Variants in PRRC2C observed in about 807,000 individuals in gnomAD.
PRRC2C encodes protein PRRC2C.
In PRRC2C, 72 loss-of-function variants were observed where a neutral mutation model predicts 317.2. That is an observed-to-expected ratio of 0.23 (90% CI 0.19 to 0.28). The LOEUF (loss-of-function observed/expected upper bound fraction) is 0.28. Among genes scored for constraint, PRRC2C ranks in the 10% least tolerant of loss-of-function variants. PRRC2C has a pLI of 1.00. For synonymous variants in PRRC2C, 1,296 were observed against 1,205.9 expected, an observed-to-expected ratio of 1.07 and a Z score of -1.55; for missense variants, 3,074 against 3,459.7, an observed-to-expected ratio of 0.89 and a Z score of 2.80.
At chr1:171,580,661 T>C (rs1331462873) in intron 28 of PRRC2C, among the ~76,000 whole-genome samples, 1 of 152,192 alleles carries the variant, frequency 6.6e-6, no homozygotes, top group East Asian at 1.9e-4. Context: ...TTTTGTTTTG[T>C]TTTAACCTGA....
At chr1:171,535,315 C>T (rs1049815934) in intron 12 of PRRC2C, 113 bp from the exon 13 acceptor site, 11 of 861,442 alleles carry the variant, frequency 1.3e-5, no homozygotes, top group South Asian at 4.2e-5. Flanking sequence ...TTTAGAGTGT[C>T]GAGGATATTT....
chr1:171,549,540 A>G (rs1363687339), intron 17 of PRRC2C, among the ~76,000 whole-genome samples: 1 of 152,106 alleles, frequency 6.6e-6, no homozygotes, highest in East Asian at 1.9e-4. Context: ...GAAAAGAAAA[A>G]AGACCTATAT....
intron 9 of PRRC2C, 105 bp downstream of exon 9, chr1:171,523,627 G>A: frequency 1.0e-6 from 1 of 998,926 alleles, no homozygotes; most frequent in South Asian, 1.5e-5. Flanking sequence ...GTTATTTGTA[G>A]AATTTATATA....
Position 171,589,524 on chromosome 1 carries a change from A to G in PRRC2C, c.8355A>G (p.Val2785=). 1 of 1,289,778 alleles carries G rather than the reference A, an allele frequency of 7.8e-7. No homozygotes were observed. The highest frequency in any genetic ancestry group is 1.0e-6 in the Non-Finnish European group (1 of 988,842). The allele number at this position is 1,289,778 out of a possible 1,614,324, so 79.9% of individuals were successfully genotyped here. Residue 2785 remains valine (V), a synonymous_variant, in exon 34 of 35, where the codon GTA becomes GTG. Transcript: ENST00000647382. ...GLMSHARLPH[V]ARGPCGSLSG... is the part of the protein sequence containing the mutation. ...TGAGCCATGCTCGTTTGCCACATGT[A>G]GCCAGGGGTCCTTGTGGATCACTAT...
chr1:171,584,633 G>C lies in PRRC2C; in HGVS notation c.7749+107G>C. The C allele has an allele frequency of 6.1e-6, 8 of 1,312,230 alleles. No homozygotes were observed. In the South Asian group the frequency reaches 1.1e-4, roughly 18 times the overall value. The allele number at this position is 1,312,230 out of a possible 1,614,324, so 81.3% of individuals were successfully genotyped here. On this transcript the variant is annotated intron_variant, in intron 30 of 34. Transcript: ENST00000647382. Reference sequence around the variant, plus strand: ...GAACCAAGATGCAAGATGGAGGATGGTTTTTAAACTGTTCACTGAGATGTC... The same window carrying C: ...GAACCAAGATGCAAGATGGAGGATGCTTTTTAAACTGTTCACTGAGATGTC...
intron 6 of PRRC2C, 101 bp downstream of exon 6, chr1:171,517,915 T>A: frequency 2.2e-6 from 2 of 905,954 alleles, no homozygotes; most frequent in Non-Finnish European, 3.3e-6. Context: ...TTGTTTTCAT[T>A]AACATCTAAC....
In PRRC2C at chr1:171,516,763, T is replaced by G. The variant is rs568481944; in HGVS notation, c.527-828T>G. Among the ~76,000 whole-genome samples the G allele has an allele frequency of 7.2e-5, 11 of 152,346 alleles. No homozygotes were observed. In the East Asian group the frequency reaches 1.9e-3, roughly 27 times the overall value. ...CGCGATGAAGCTGTCTGAAGCTGAC[T>G]TGACTGGGGCTGTACTTCCAAACTG... On this transcript the variant is annotated intron_variant, in intron 5 of 34. Coordinates refer to ENST00000647382, the MANE Select transcript of PRRC2C (RefSeq NM_001387844.1).
chr1:171,582,791 G>C (rs1017815870), intron 28 of PRRC2C, among the ~76,000 whole-genome samples: 12 of 151,446 alleles, frequency 7.9e-5, no homozygotes, highest in African/African-American at 2.9e-4. Context: ...CAGTGAGTGA[G>C]TGGCGAGTGA....
intron 26 of PRRC2C, among the ~76,000 whole-genome samples, chr1:171,578,691 A>T (rs912311186): frequency 1.6e-4 from 25 of 152,152 alleles, no homozygotes; most frequent in Admixed American, 2.0e-4. Context: ...AACATGGTGA[A>T]ACCACGTCTC....
At chr1:171,553,555 A>G (rs530704227) in intron 18 of PRRC2C, among the ~76,000 whole-genome samples, 4 of 151,454 alleles carry the variant, frequency 2.6e-5, no homozygotes, top group Non-Finnish European at 5.9e-5. Flanking sequence ...TTTAATTGTG[A>G]TGTTAGGGTA....
At chr1:171,554,091 T>C (rs1680862613) in intron 18 of PRRC2C, among the ~76,000 whole-genome samples, 1 of 152,206 alleles carries the variant, frequency 6.6e-6, no homozygotes, top group African/African-American at 2.4e-5. Context: ...ATTAGTATTG[T>C]GTGGGAGTCT....
At chr1:171,585,229 G>A (rs1441577119) in intron 30 of PRRC2C, among the ~76,000 whole-genome samples, 1 of 152,138 alleles carries the variant, frequency 6.6e-6, no homozygotes, top group African/African-American at 2.4e-5. Flanking sequence ...GATACAGGTG[G>A]TTTACCCATT....
intron 1 of PRRC2C, among the ~76,000 whole-genome samples, chr1:171,504,610 G>A (rs1020085985): frequency 5.9e-5 from 9 of 152,120 alleles, no homozygotes; most frequent in African/African-American, 1.9e-4. Flanking sequence ...ACTCTATTCT[G>A]CTCCACTGAA....
chr1:171,547,633 C>CTTTTTTTTTTTTTTTTTTTTT (rs35480518), intron 17 of PRRC2C, among the ~76,000 whole-genome samples: 5 of 129,840 alleles, frequency 3.9e-5, no homozygotes, highest in African/African-American at 5.8e-5. Context: ...AGTTTCCCTT[C>CTTTTTTTTTTTTTTTTTTTTT]TTTTTTTTTT....
chr1:171,491,282 A>G (rs1667095278), intron 1 of PRRC2C, among the ~76,000 whole-genome samples: 1 of 152,192 alleles, frequency 6.6e-6, no homozygotes, highest in Admixed American at 6.5e-5. Flanking sequence ...CCAGTGAACA[A>G]TCTGAAGGTA....
At chr1:171,578,879 C>CA (rs934373009) in intron 26 of PRRC2C, among the ~76,000 whole-genome samples, 34 of 149,486 alleles carry the variant, frequency 2.3e-4, no homozygotes, top group African/African-American at 5.6e-4. Flanking sequence ...AAAACAAAAA[C>CA]AAAAAAAAAC....
intron 1 of PRRC2C, among the ~76,000 whole-genome samples, chr1:171,492,909 A>G (rs982995018): frequency 8.6e-5 from 13 of 151,916 alleles, no homozygotes; most frequent in Non-Finnish European, 1.8e-4. Flanking sequence ...GTACCAGCAC[A>G]CCTGGCTAAT....
rs543913510 is a variant in PRRC2C at position 171,564,565 on chromosome 1, C to T, written c.6118-1668C>T. Among the ~76,000 whole-genome samples, 3 of 152,280 alleles carry T rather than the reference C, an allele frequency of 2.0e-5. No individual in the cohort carries two copies. In the East Asian group the frequency reaches 5.8e-4, roughly 29 times the overall value. ...GTGCATCAGTATTTTCCAATACATTCATGCTTTGCTTAACAACAGAGATAC... is the reference window on the plus strand; with the variant it reads ...GTGCATCAGTATTTTCCAATACATTTATGCTTTGCTTAACAACAGAGATAC... On this transcript the variant is annotated intron_variant, in intron 20 of 34. Coordinates refer to ENST00000647382, the MANE Select transcript of PRRC2C (RefSeq NM_001387844.1).
chr1:171,524,714 TC>T lies in PRRC2C; in HGVS notation c.1056-99del, dbSNP rs200058417. The stretch of plus-strand genomic sequence containing the variant: ...CACCCATCTCATTCCTTAATACATT[TC>T]CCCCCCCAGAAACCATACAGAAATA... On this transcript the variant is annotated intron_variant, in intron 9 of 34. Coordinates refer to ENST00000647382, the MANE Select transcript of PRRC2C (RefSeq NM_001387844.1). The T allele has an allele frequency of 5.2e-4, 596 of 1,155,010 alleles. 2 individuals are homozygous for T. In the East Asian group the frequency reaches 0.012, roughly 23 times the overall value. The allele number at this position is 1,155,010 out of a possible 1,614,324, so 71.5% of individuals were successfully genotyped here.
Sources: allele counts gnomAD v4.1 joint callset (sites outside exome capture counted in the v4.1 genomes callset), GRCh38; gene constraint gnomAD v4.1.1; transcripts MANE v1.5; gene names NCBI Gene and HGNC (gene_info 2026-07-23, HGNC 2026-07-21).